EVA1A: variants seen among roughly 807,000 people sequenced by gnomAD.
EVA1A encodes protein eva-1 homolog A.
Under a neutral mutation model 9.8 loss-of-function variants are expected in EVA1A, and 7 were observed. The ratio of observed to expected loss-of-function variants is 0.71; its 90% CI spans 0.41 to 1.34. The LOEUF is 1.34. Among genes scored for constraint, EVA1A ranks in the 40% most tolerant of loss-of-function variants. The probability of loss-of-function intolerance (pLI) is 0.01; values close to 1 mark genes in which losing one functional copy is unlikely to be tolerated. For synonymous variants in EVA1A, 90 were observed against 85.6 expected (o/e 1.05, Z -0.28); for missense variants, 206 against 205.9 (o/e 1.00, Z 0.00).
At chr2:75,566,287 G>C (rs1677026454) in intron 1 of EVA1A, among the ~76,000 whole-genome samples, 1 of 152,136 alleles carries the variant, frequency 6.6e-6, no homozygotes, top group Non-Finnish European at 1.5e-5. Context: ...AATGTTGACA[G>C]TTATACCCCC....
At chr2:75,542,712 T>A (rs1463535062) in intron 1 of EVA1A, 2 of 152,258 alleles carry the variant, frequency 1.3e-5, no homozygotes, top group Non-Finnish European at 2.9e-5. Flanking sequence ...ATTTCATATG[T>A]TTCCATTGGG....
intron 1 of EVA1A, among the ~76,000 whole-genome samples, chr2:75,534,123 C>A (rs909958165): frequency 4.6e-5 from 7 of 152,112 alleles, no homozygotes; most frequent in African/African-American, 1.4e-4. Context: ...CCTATAGTTT[C>A]AGCTACTCAG....
At chr2:75,539,209 C>T (rs534788957) in intron 1 of EVA1A, among the ~76,000 whole-genome samples, 2 of 152,226 alleles carry the variant, frequency 1.3e-5, no homozygotes, top group African/African-American at 4.8e-5. Context: ...TGAGGAACAG[C>T]TGAAGGGATA....
At chr2:75,511,770 T>C (rs1283798969) in intron 3 of EVA1A, among the ~76,000 whole-genome samples, 1 of 152,126 alleles carries the variant, frequency 6.6e-6, no homozygotes, top group Non-Finnish European at 1.5e-5. Context: ...ATCTGATGGG[T>C]GCCAGGCACT....
intron 1 of EVA1A, among the ~76,000 whole-genome samples, chr2:75,553,901 C>T (rs74349404): frequency 0.017 from 2,616 of 152,284 alleles, 35 homozygotes; most frequent in Non-Finnish European, 0.026. Context: ...AGGTTCATAG[C>T]GACATCTCAG....
chr2:75,506,331 C>T (rs1474340325), intron 3 of EVA1A, among the ~76,000 whole-genome samples: 2 of 152,190 alleles, frequency 1.3e-5, no homozygotes, highest in African/African-American at 2.4e-5. Flanking sequence ...GCTCTTGATA[C>T]ACATTGCCAA....
At chr2:75,546,216 A>G (rs1366090948) in intron 1 of EVA1A, among the ~76,000 whole-genome samples, 3 of 152,110 alleles carry the variant, frequency 2.0e-5, no homozygotes, top group Non-Finnish European at 4.4e-5. Flanking sequence ...TCCCTATTCA[A>G]TTTCTCCACT....
chr2:75,518,559 T>C (rs1252185043), intron 2 of EVA1A: 29 of 981,044 alleles, frequency 3.0e-5, no homozygotes, highest in Non-Finnish European at 3.5e-5. Flanking sequence ...AAGTAGAAAC[T>C]CCTTACATCC....
Position 75,500,054 on chromosome 2 carries a change from C to T in EVA1A, c.86-6445G>A, listed in dbSNP as rs1047706141. 2.6e-5 allele frequency among the ~76,000 whole-genome samples: 4 copies of T among 152,182 alleles called. No homozygotes were observed. In the East Asian group the frequency reaches 5.8e-4, roughly 22 times the overall value. On this transcript the variant is annotated intron_variant, in intron 3 of 3. Transcript: ENST00000393913. ...ACACCACCCATTGCTTCCCCCATTT[C>T]GCTAAAGTCAAACCCTTCCCCCACC...
intron 1 of EVA1A, among the ~76,000 whole-genome samples, chr2:75,543,225 T>C (rs763014563): frequency 3.3e-5 from 5 of 152,152 alleles, no homozygotes; most frequent in African/African-American, 4.8e-5. Context: ...GACAGACTTG[T>C]GGATCCTTAA....
chr2:75,561,708 GC>G (rs1676927993), upstream of EVA1A, among the ~76,000 whole-genome samples: 1 of 152,174 alleles, frequency 6.6e-6, no homozygotes, highest in Non-Finnish European at 1.5e-5. Flanking sequence ...CAAAATAAAA[GC>G]TTGGACAGAG....
intron 1 of EVA1A, among the ~76,000 whole-genome samples, chr2:75,556,212 C>T (rs1036732010): frequency 6.6e-6 from 1 of 152,206 alleles, no homozygotes; most frequent in African/African-American, 2.4e-5. Context: ...CAGCACTAAA[C>T]AGGGTTTCAC....
rs73938938 is a variant in EVA1A, at chr2:75,523,727, G to A, written c.-191-1240C>T. 9.3e-3 allele frequency among the ~76,000 whole-genome samples: 1,418 copies of A among 152,198 alleles called. 22 individuals are homozygous for A. The highest frequency in any genetic ancestry group is 0.033 in the African/African-American group (1,353 of 41,532). On this transcript the variant is annotated intron_variant, in intron 1 of 3. Coordinates refer to ENST00000393913, the MANE Select transcript of EVA1A (RefSeq NM_001135032.2). ...TGGGTTGTGAACTCCGTAAGGGCAG[G>A]GACCATGCCTTAATTCTTATCTTTG...
At position 75,495,221 on chromosome 2, in the gene EVA1A, C is replaced by T. The variant is rs148151134; in HGVS notation, c.86-1612G>A. 4.6e-3 allele frequency among the ~76,000 whole-genome samples: 693 copies of T among 152,284 alleles called. 7 individuals carry two copies. Among genetic ancestry groups the T allele is most frequent in the African/African-American group, 0.016 (655 of 41,546 alleles). Reference sequence around the variant, plus strand: ...TTCAGTTCTTGTTCTCAGAATGCACCTAGTCTACTGGGGAGACAGACGAAA... The same window carrying T: ...TTCAGTTCTTGTTCTCAGAATGCACTTAGTCTACTGGGGAGACAGACGAAA... On this transcript the variant is annotated intron_variant, in intron 3 of 3. Coordinates refer to ENST00000393913, the MANE Select transcript of EVA1A (RefSeq NM_001135032.2).
chr2:75,560,171 G>A (rs149113517), intron 1 of EVA1A, among the ~76,000 whole-genome samples: 179 of 152,260 alleles, frequency 1.2e-3, no homozygotes, highest in Non-Finnish European at 2.1e-3. Context: ...TTCACTCCCT[G>A]ATGCACTCGG....
chr2:75,518,375 G>A (rs889806381), intron 2 of EVA1A, among the ~76,000 whole-genome samples, 167 bp from the exon 3 acceptor site: 2 of 152,050 alleles, frequency 1.3e-5, no homozygotes, highest in Non-Finnish European at 2.9e-5. Flanking sequence ...CTTTTTTGGG[G>A]GTATAGCTTC....
rs937782926 is a variant in EVA1A at position 75,549,022 on chromosome 2, T to A, written c.-192+11658A>T. ...TATATATATATATTTTTTTTTTTTT[T>A]ACTAATAAATCAAATACAAATGAAA... On this transcript the variant is annotated intron_variant, in intron 1 of 3. Coordinates refer to ENST00000393913, the MANE Select transcript of EVA1A (RefSeq NM_001135032.2). Among the ~76,000 whole-genome samples, 5 of 140,644 alleles carry A rather than the reference T, an allele frequency of 3.6e-5. No individual in the cohort carries two copies. In the East Asian group the frequency reaches 6.3e-4, roughly 18 times the overall value. The allele number at this position is 140,644 out of a possible 152,430, so 92.3% of individuals were successfully genotyped here. A position where few individuals can be genotyped will look rare whatever the true frequency, so the allele number is the denominator to read the frequency against.
chr2:75,555,336 T>TCCCTCTCTCTCTCTCTCTCTCTCC (rs1676672338), intron 1 of EVA1A, among the ~76,000 whole-genome samples: 1 of 102,742 alleles, frequency 9.7e-6, no homozygotes, highest in Non-Finnish European at 2.2e-5. Flanking sequence ...TCTCTCTCTC[T>TCCCTCTCTCTCTCTCTCTCTCTCC]CCCCCATCTC....
At chr2:75,552,675 T>C (rs116787000) in intron 1 of EVA1A, among the ~76,000 whole-genome samples, 201 of 152,318 alleles carry the variant, frequency 1.3e-3, no homozygotes, top group African/African-American at 4.7e-3. Context: ...CATACTTCAT[T>C]GTATGTAACC....
Sources: allele counts gnomAD v4.1 joint callset (sites outside exome capture counted in the v4.1 genomes callset), GRCh38; gene constraint gnomAD v4.1.1; transcripts MANE v1.5; gene names NCBI Gene and HGNC (gene_info 2026-07-23, HGNC 2026-07-21).